The following MOB1B variants were observed in gnomAD, a reference collection of about 807,000 sequenced individuals.
MOB1B encodes MOB1 Mps One Binder homolog B.
MOB1B carries 19 observed loss-of-function variants against 24.4 expected under a neutral mutation model. The ratio of observed to expected loss-of-function variants is 0.78; its 90% CI spans 0.54 to 1.14. The LOEUF (loss-of-function observed/expected upper bound fraction) is 1.14, where lower values mean the gene tolerates loss of function less well. MOB1B is among the 50% of genes most tolerant of loss of function. MOB1B has a pLI of 0.00. For synonymous variants in MOB1B, 76 were observed against 82.1 expected (o/e 0.93, Z 0.40); for missense variants, 243 against 259.6 (o/e 0.94, Z 0.44).
intron 1 of MOB1B, among the ~76,000 whole-genome samples, chr4:70,926,402 C>T (rs765662420): frequency 2.6e-5 from 4 of 151,878 alleles, no homozygotes; most frequent in Non-Finnish European, 5.9e-5. Flanking sequence ...TTCTTAGTTT[C>T]TATTTCCTCT....
intron 2 of MOB1B, among the ~76,000 whole-genome samples, chr4:70,965,652 C>G (rs1738491623): frequency 6.6e-6 from 1 of 151,004 alleles, no homozygotes; most frequent in African/African-American, 2.4e-5. Context: ...AAAAAATTCT[C>G]TGGGCGTGGT....
intron 1 of MOB1B, among the ~76,000 whole-genome samples, chr4:70,927,858 G>A (rs540303812): frequency 6.6e-6 from 1 of 152,192 alleles, no homozygotes; most frequent in Admixed American, 6.5e-5. Flanking sequence ...GGCATAGAAG[G>A]CCTCCCTGAG....
chr4:70,915,833 C>G (rs1177503855), intron 1 of MOB1B, among the ~76,000 whole-genome samples: 1 of 151,896 alleles, frequency 6.6e-6, no homozygotes, highest in Non-Finnish European at 1.5e-5. Context: ...CTAGTGGAAG[C>G]AGGGTAGCTC....
chr4:70,920,770 T>G (rs975729270), intron 1 of MOB1B, among the ~76,000 whole-genome samples: 2 of 152,148 alleles, frequency 1.3e-5, no homozygotes, highest in Non-Finnish European at 2.9e-5. Context: ...TTTACAGATT[T>G]TTGGGGGAAA....
chr4:70,902,405 G>A lies in MOB1B; in HGVS notation c.-132G>A. On this transcript the variant is annotated 5_prime_UTR_variant, in exon 1 of 6. Coordinates refer to ENST00000309395, the MANE Select transcript of MOB1B (RefSeq NM_173468.4). ...CTGAGCCGAACTAGTTGCGGCCACC[G>A]AGCAGCCGGCTCTCGGCACCTCCTC... 2 of 965,176 alleles carry A rather than the reference G, an allele frequency of 2.1e-6. No homozygotes were observed. The highest frequency in any genetic ancestry group is 3.2e-6 in the Non-Finnish European group (2 of 617,394). 59.8% of individuals were successfully genotyped at this position (965,176 alleles called of 1,614,324 possible).
At chr4:70,908,440 C>A (rs1335566886) in intron 1 of MOB1B, among the ~76,000 whole-genome samples, 1 of 151,128 alleles carries the variant, frequency 6.6e-6, no homozygotes, top group Non-Finnish European at 1.5e-5. Context: ...GAAATACTTA[C>A]TGAGCACTGT....
intron 1 of MOB1B, among the ~76,000 whole-genome samples, chr4:70,956,592 GGTTAA>G (rs2148892726): frequency 6.6e-6 from 1 of 151,944 alleles, no homozygotes; most frequent in East Asian, 1.9e-4. Context: ...CACCACACTT[GGTTAA>G]GTTTTGTATT....
intron 1 of MOB1B, among the ~76,000 whole-genome samples, chr4:70,908,177 C>G (rs1014824976): frequency 1.3e-5 from 2 of 151,622 alleles, no homozygotes; most frequent in Non-Finnish European, 2.9e-5. Context: ...AGGCACCCAC[C>G]ACCATGCCCG....
intron 1 of MOB1B, among the ~76,000 whole-genome samples, chr4:70,920,049 TACATA>T (rs1309449612): frequency 1.3e-5 from 2 of 152,354 alleles, no homozygotes; most frequent in Middle Eastern, 3.4e-3. Context: ...TACATAATTA[TACATA>T]ACATAATATG....
intron 1 of MOB1B, among the ~76,000 whole-genome samples, chr4:70,937,371 T>C (rs1201172970): frequency 6.6e-6 from 1 of 152,150 alleles, no homozygotes; most frequent in Non-Finnish European, 1.5e-5. Context: ...CTGTTGTGGG[T>C]TCTCTTTTAG....
rs182774291 is a variant in MOB1B at position 70,917,222 on chromosome 4, A to T, written c.14+14672A>T. On this transcript the variant is annotated intron_variant, in intron 1 of 5. Coordinates refer to ENST00000309395, the MANE Select transcript of MOB1B (RefSeq NM_173468.4). ...CTGATTATGAGGCAACGTATGTACC[A>T]TTAAGGTTTCTTACCTACATTGGGT... is the stretch of plus-strand genomic sequence containing the variant. Among the ~76,000 whole-genome samples the T allele has an allele frequency of 8.5e-5, 13 of 152,322 alleles. No homozygotes were observed. In the East Asian group the frequency reaches 2.5e-3, roughly 29 times the overall value.
At chr4:70,919,885 G>A (rs1736353289) in intron 1 of MOB1B, among the ~76,000 whole-genome samples, 1 of 152,164 alleles carries the variant, frequency 6.6e-6, no homozygotes, top group Non-Finnish European at 1.5e-5. Context: ...GGTGAGTTAT[G>A]TTCAATAAGG....
intron 1 of MOB1B, among the ~76,000 whole-genome samples, chr4:70,923,023 A>G (rs540119569): frequency 8.9e-4 from 135 of 152,266 alleles, no homozygotes; most frequent in African/African-American, 3.1e-3. Context: ...TTAAAGGCCA[A>G]ACCTCCCCAG....
intron 1 of MOB1B, among the ~76,000 whole-genome samples, chr4:70,915,804 A>C (rs1736171837): frequency 6.6e-6 from 1 of 151,176 alleles, no homozygotes; most frequent in Admixed American, 6.6e-5. Flanking sequence ...GGGATCGTGG[A>C]ACTGTCTCCC....
intron 1 of MOB1B, among the ~76,000 whole-genome samples, chr4:70,942,206 T>C (rs145734577): frequency 2.6e-4 from 40 of 152,278 alleles, no homozygotes; most frequent in African/African-American, 8.2e-4. Context: ...GTTAGATTTA[T>C]AGGAGAAAAT....
chr4:70,960,178 G>A (rs999334147), intron 2 of MOB1B, among the ~76,000 whole-genome samples: 14 of 151,858 alleles, frequency 9.2e-5, no homozygotes, highest in African/African-American at 2.2e-4. Context: ...TACCACGCCC[G>A]GCCAGTTGTG....
chr4:70,933,937 A>T (rs1374141785), intron 1 of MOB1B, among the ~76,000 whole-genome samples: 1 of 152,130 alleles, frequency 6.6e-6, no homozygotes, highest in African/African-American at 2.4e-5. Flanking sequence ...CTGTAATCCC[A>T]ACACTTTCTG....
At position 70,974,588 on chromosome 4, in the gene MOB1B, C is replaced by T. The variant is rs533005565; in HGVS notation, c.276-565C>T. On this transcript the variant is annotated intron_variant, in intron 3 of 5. Transcript: ENST00000309395. ...AAAGGATGGTGGTGTTCTGCTAATA[C>T]CAAAAGCCTTTATTTGGGTTGCAAA... Among the ~76,000 whole-genome samples the T allele has an allele frequency of 1.9e-3, 284 of 152,192 alleles. 1 individual carries two copies. Among genetic ancestry groups the T allele is most frequent in the African/African-American group, 6.5e-3 (268 of 41,532 alleles).
In MOB1B at chr4:70,985,154, A is replaced by G. The variant is rs1338922210; in HGVS notation, c.*3097A>G. 6 of 152,148 alleles carry G rather than the reference A, an allele frequency of 3.9e-5. No individual in the cohort carries two copies. The highest frequency in any genetic ancestry group is 1.4e-4 in the African/African-American group (6 of 41,436). The allele number at this position is 152,148 out of a possible 1,614,324, so 9.4% of individuals were successfully genotyped here. ...ACCAGACTCCATTTTATATATTAGC[A>G]TTTTCCTTGCTTATGGGAAAATAGC... On this transcript the variant is annotated 3_prime_UTR_variant, in exon 6 of 6. Coordinates refer to ENST00000309395, the MANE Select transcript of MOB1B (RefSeq NM_173468.4).
Sources: gnomAD v4.1 joint callset for allele counts (sites outside exome capture counted in the v4.1 genomes callset) on GRCh38, gnomAD v4.1.1 for gene constraint, MANE v1.5 for transcripts, NCBI Gene and HGNC (gene_info 2026-07-23, HGNC 2026-07-21) for gene names.